Variants in BEND3 observed in about 807,000 individuals in gnomAD.
The protein encoded by BEND3 is BEN domain-containing protein 3.
In BEND3, 13 loss-of-function variants were observed where a neutral mutation model predicts 60.1. That is an observed-to-expected ratio of 0.22 (90% CI 0.14 to 0.34). The LOEUF (loss-of-function observed/expected upper bound fraction) is 0.34. BEND3 is among the 10% of genes least tolerant of loss of function. The pLI, the probability that BEND3 is intolerant of heterozygous loss-of-function variation, is 1.00. For synonymous variants in BEND3, 497 were observed against 491.5 expected (o/e 1.01, Z -0.15); for missense variants, 896 against 1,138.1 (o/e 0.79, Z 3.06).
At chr6:107,094,152 A>T (rs1775533805) in intron 3 of BEND3, among the ~76,000 whole-genome samples, 1 of 152,070 alleles carries the variant, frequency 6.6e-6, no homozygotes, top group South Asian at 2.1e-4. Context: ...CCAAAGGGTT[A>T]CTTGAGCCGA....
chr6:107,094,732 G>A (rs1284630395), intron 3 of BEND3, among the ~76,000 whole-genome samples: 7 of 151,348 alleles, frequency 4.6e-5, no homozygotes, highest in African/African-American at 1.7e-4. Flanking sequence ...TGCCATGCCT[G>A]TAGTCCCAGC....
intron 3 of BEND3, among the ~76,000 whole-genome samples, chr6:107,093,193 A>C (rs1775511522): frequency 6.6e-6 from 1 of 152,164 alleles, no homozygotes; most frequent in Admixed American, 6.6e-5. Flanking sequence ...AGAAAAGAAC[A>C]CAGTTGCCTG....
intron 3 of BEND3, among the ~76,000 whole-genome samples, chr6:107,073,195 G>GTGTA (rs1554232295): frequency 8.0e-4 from 28 of 34,854 alleles, no homozygotes; most frequent in African/African-American, 1.8e-3. Context: ...GGGTTTGTAT[G>GTGTA]TGTATGTATA....
At chr6:107,076,747 T>C (rs1333724500) in intron 3 of BEND3, among the ~76,000 whole-genome samples, 2 of 152,166 alleles carry the variant, frequency 1.3e-5, no homozygotes, top group Admixed American at 1.3e-4. Flanking sequence ...CAGTGGTCAG[T>C]TGGGCTGGCA....
At chr6:107,108,140 C>G (rs1223470796) in intron 1 of BEND3, among the ~76,000 whole-genome samples, 4 of 152,238 alleles carry the variant, frequency 2.6e-5, no homozygotes, top group Non-Finnish European at 5.9e-5. Flanking sequence ...CAGAGTTTTT[C>G]TAAAGCTGTA....
chr6:107,095,983 C>T (rs1775577603), intron 3 of BEND3, among the ~76,000 whole-genome samples: 1 of 152,158 alleles, frequency 6.6e-6, no homozygotes, highest in Non-Finnish European at 1.5e-5. Context: ...TTTGTCCAAA[C>T]CCACAGACTA....
At chr6:107,098,786 A>T in intron 2 of BEND3, 33 bp from the exon 3 acceptor site, 8 of 1,591,556 alleles carry the variant, frequency 5.0e-6, no homozygotes, top group Non-Finnish European at 6.9e-6. Flanking sequence ...CTCAGTGGGA[A>T]AAACCAGGGC....
At chr6:107,108,342 G>A (rs534393495) in intron 1 of BEND3, among the ~76,000 whole-genome samples, 4 of 152,236 alleles carry the variant, frequency 2.6e-5, no homozygotes, top group Admixed American at 1.3e-4. Context: ...CCCCAACCTC[G>A]TGGAGGGCTA....
chr6:107,109,896 T>C (rs1450537088), intron 1 of BEND3, among the ~76,000 whole-genome samples: 1 of 152,018 alleles, frequency 6.6e-6, no homozygotes, highest in Non-Finnish European at 1.5e-5. Context: ...CCAGGCATGG[T>C]GGCACAGGCC....
intron 3 of BEND3, among the ~76,000 whole-genome samples, chr6:107,096,162 G>C (rs2115024227): frequency 6.6e-6 from 1 of 152,216 alleles, no homozygotes; most frequent in South Asian, 2.1e-4. Context: ...TGTCTCTTTT[G>C]CTCAATTTTT....
intron 3 of BEND3, among the ~76,000 whole-genome samples, chr6:107,083,241 C>G (rs1214755645): frequency 1.3e-5 from 2 of 152,150 alleles, no homozygotes; most frequent in Non-Finnish European, 2.9e-5. Context: ...AGGCGTGAAA[C>G]TTTTGCCCAG....
At chr6:107,105,532 G>A (rs1175064024) in intron 1 of BEND3, among the ~76,000 whole-genome samples, 1 of 152,132 alleles carries the variant, frequency 6.6e-6, no homozygotes, top group Admixed American at 6.6e-5. Flanking sequence ...GTGGCCCGGG[G>A]TACCTTTCTA....
At chr6:107,090,936 C>T (rs998129375) in intron 3 of BEND3, among the ~76,000 whole-genome samples, 3 of 151,766 alleles carry the variant, frequency 2.0e-5, no homozygotes, top group Non-Finnish European at 4.4e-5. Context: ...ATGGCAAAAC[C>T]CCGTCTCTAC....
chr6:107,097,393 C>A (rs1554236106), intron 3 of BEND3, among the ~76,000 whole-genome samples: 1 of 150,466 alleles, frequency 6.6e-6, no homozygotes, highest in Non-Finnish European at 1.5e-5. Context: ...AAAATTAAAG[C>A]CCAAATAAAT....
At chr6:107,071,524 G>A (rs1191404344) in intron 3 of BEND3, among the ~76,000 whole-genome samples, 4 of 152,304 alleles carry the variant, frequency 2.6e-5, no homozygotes, top group African/African-American at 7.2e-5. Context: ...GGGCTGTGGA[G>A]AGCGGCTGTC....
In BEND3 at chr6:107,070,247, T is replaced by C. The variant is rs782531122; in HGVS notation, c.944A>G (p.Tyr315Cys). The change falls in exon 4 of 4, where the codon TAC becomes TGC. Residue 315 changes from tyrosine to cysteine, a missense_variant. Tyr to Cys is a radical substitution (Grantham distance 194, BLOSUM62 -2). Coordinates refer to ENST00000369042, the MANE Select transcript of BEND3 (RefSeq NM_001367314.1). The surrounding 1 kb of genome is among the most constrained non-coding windows in gnomAD (Gnocchi z 6.9). The stretch of plus-strand genomic sequence containing the variant: ...CACAGCCGTGTCCTTCACCGAGGGG[T>C]AGTAGACCTCCACATAGTTGCGGAT... ...QLIRNYVEVY[Y>C]PSVKDTAVWQ... 1.7e-5 allele frequency: 27 copies of C among 1,612,382 alleles called. No individual in the cohort carries two copies. Among genetic ancestry groups the C allele is most frequent in the Non-Finnish European group, 2.1e-5 (25 of 1,179,904 alleles).
chr6:107,114,876 C>G (rs1469395633), intron 1 of BEND3, among the ~76,000 whole-genome samples: 4 of 149,126 alleles, frequency 2.7e-5, no homozygotes, highest in South Asian at 2.1e-4. Flanking sequence ...CGCGGCGAGC[C>G]CGTGGGCGCC....
At chr6:107,106,098 A>G (rs370284657) in intron 1 of BEND3, 2 of 152,224 alleles carry the variant, frequency 1.3e-5, no homozygotes, top group Non-Finnish European at 1.5e-5. Flanking sequence ...CACAATTGCC[A>G]TATGTCTGAT....
intron 1 of BEND3, among the ~76,000 whole-genome samples, chr6:107,100,483 G>A (rs1775681528): frequency 6.6e-6 from 1 of 151,958 alleles, no homozygotes; most frequent in Non-Finnish European, 1.5e-5. Flanking sequence ...TAGCCAGGAT[G>A]GTCTCGATCT....
Sources: allele counts gnomAD v4.1 joint callset (sites outside exome capture counted in the v4.1 genomes callset), GRCh38; gene constraint gnomAD v4.1.1; non-coding constraint Gnocchi (gnomAD v3.1); transcripts MANE v1.5; gene names NCBI Gene and HGNC (gene_info 2026-07-23, HGNC 2026-07-21).